MYOM2: variants seen among roughly 807,000 people sequenced by gnomAD.
MYOM2 encodes the protein myomesin 2.
MYOM2 carries 254 observed loss-of-function variants against 187.6 expected under a neutral mutation model. The ratio of observed to expected loss-of-function variants is 1.35; its 90% CI spans 1.22 to 1.50. MYOM2 has a LOEUF of 1.50. MYOM2 is among the 40% of genes most tolerant of loss of function. The pLI is 0.00. For missense variants in MYOM2, 2,796 were observed against 1,924.0 expected, an observed-to-expected ratio of 1.45 and a Z score of -8.48; for synonymous variants, 981 against 753.8, an observed-to-expected ratio of 1.30 and a Z score of -4.94.
intron 12 of MYOM2, among the ~76,000 whole-genome samples, chr8:2,079,287 C>T (rs1163572480): frequency 6.6e-6 from 1 of 152,024 alleles, no homozygotes; most frequent in African/African-American, 2.4e-5. Flanking sequence ...TTTTGCATGA[C>T]ACAGATTCCT....
chr8:2,070,986 G>T (rs943875855), intron 8 of MYOM2, among the ~76,000 whole-genome samples: 2 of 151,528 alleles, frequency 1.3e-5, no homozygotes, highest in South Asian at 2.1e-4. Context: ...ATTTATTTTT[G>T]AGACAGGGTC....
At position 2,142,350 on chromosome 8, in the gene MYOM2, C is replaced by A. The variant is rs894401601; in HGVS notation, c.4002-25C>A. ...TTCTCATACTCTCTTTTCATTCTCT[C>A]CTTTCTGTCCCCTTTAACTTTTAGA... is the stretch of plus-strand genomic sequence containing the variant. On this transcript the variant is annotated intron_variant, in intron 34 of 36. Coordinates refer to ENST00000262113, the MANE Select transcript of MYOM2 (RefSeq NM_003970.4). 2.5e-6 allele frequency: 4 copies of A among 1,611,378 alleles called. No individual in the cohort carries two copies. In the African/African-American group the frequency reaches 5.3e-5, roughly 22 times the overall value.
At chr8:2,056,678 A>G (rs1342811349) in intron 3 of MYOM2, among the ~76,000 whole-genome samples, 2 of 152,214 alleles carry the variant, frequency 1.3e-5, no homozygotes, top group African/African-American at 2.4e-5. Context: ...TCAGGAAAAT[A>G]AATGGCTTTT....
chr8:2,066,705 T>C (rs927851272), intron 6 of MYOM2, among the ~76,000 whole-genome samples: 4 of 152,156 alleles, frequency 2.6e-5, no homozygotes, highest in Admixed American at 2.6e-4. Flanking sequence ...TGGGGATGCG[T>C]ATGTGAGTAT....
At chr8:2,104,154 G>T (rs1332390328) in intron 21 of MYOM2, among the ~76,000 whole-genome samples, 2 of 151,156 alleles carry the variant, frequency 1.3e-5, no homozygotes, top group Non-Finnish European at 2.9e-5. Flanking sequence ...ATTTTAAAAA[G>T]CTGTTGGTAA....
intron 8 of MYOM2, among the ~76,000 whole-genome samples, chr8:2,071,723 G>C (rs762941076): frequency 1.3e-5 from 2 of 152,126 alleles, no homozygotes; most frequent in Non-Finnish European, 2.9e-5. Context: ...CCATGGCCGG[G>C]GCAGTTTACG....
At chr8:2,119,882 C>CG (rs1012451111) in intron 28 of MYOM2, among the ~76,000 whole-genome samples, 5 of 151,170 alleles carry the variant, frequency 3.3e-5, no homozygotes, top group African/African-American at 4.9e-5. Context: ...AATGAGGGGG[C>CG]GGGGGGGATG....
chr8:2,076,496 T>C, intron 11 of MYOM2: 1 of 611,220 alleles, frequency 1.6e-6, no homozygotes. Context: ...GGGTTTCTTT[T>C]TGTTGAAAGT....
chr8:2,143,863 G>A (rs1421521528), intron 36 of MYOM2, among the ~76,000 whole-genome samples: 3 of 152,074 alleles, frequency 2.0e-5, no homozygotes, highest in Non-Finnish European at 4.4e-5. Context: ...GTGTGAAACA[G>A]CACAGCTTTT....
intron 6 of MYOM2, among the ~76,000 whole-genome samples, chr8:2,066,700 A>T (rs963540090): frequency 6.6e-6 from 1 of 152,114 alleles, no homozygotes; most frequent in East Asian, 1.9e-4. Flanking sequence ...CCCTGTGGGG[A>T]TGCGTATGTG....
At chr8:2,121,166 G>C (rs1386819319) in intron 28 of MYOM2, among the ~76,000 whole-genome samples, 1 of 152,164 alleles carries the variant, frequency 6.6e-6, no homozygotes, top group Non-Finnish European at 1.5e-5. Flanking sequence ...GCACAGAAAG[G>C]TATGTTTCTT....
At chr8:2,087,841 A>T (rs913236616) in intron 14 of MYOM2, among the ~76,000 whole-genome samples, 4 of 152,050 alleles carry the variant, frequency 2.6e-5, no homozygotes, top group Admixed American at 6.6e-5. Context: ...GGCTGGTCTC[A>T]AATTCCTGGC....
In MYOM2 at chr8:2,124,207, T is replaced by C. The variant is rs779326130; in HGVS notation, c.3684T>C (p.Ser1228=). 1.2e-6 allele frequency: 2 copies of C among 1,612,746 alleles called. No individual in the cohort carries two copies. The highest frequency in any genetic ancestry group is 3.3e-5 in the Admixed American group (2 of 59,946). The change falls in exon 31 of 37, where the codon AGT becomes AGC. Residue 1228 remains serine (S), a synonymous_variant. Transcript: ENST00000262113. ...ATGATGATATGATTTTGGCAATGAGTAGAGTCTGTGGTAAGTAAATGCCTT... is the reference window on the plus strand; with the variant it reads ...ATGATGATATGATTTTGGCAATGAGCAGAGTCTGTGGTAAGTAAATGCCTT... The part of the protein sequence containing the change: ...KVYDDMILAM[S]RVCGKSASPL...
intron 21 of MYOM2, among the ~76,000 whole-genome samples, chr8:2,105,058 A>T (rs1340401549): frequency 6.6e-6 from 1 of 152,198 alleles, no homozygotes; most frequent in Admixed American, 6.5e-5. Flanking sequence ...GATTACAGGC[A>T]TGAGTGCTGC....
chr8:2,141,534 C>T (rs183142623), intron 34 of MYOM2, among the ~76,000 whole-genome samples: 14 of 152,242 alleles, frequency 9.2e-5, no homozygotes, highest in South Asian at 8.3e-4. Flanking sequence ...CGGTCAGGAG[C>T]GCTTTCTTTT....
chr8:2,060,220 T>C (rs1165674728), intron 6 of MYOM2, among the ~76,000 whole-genome samples: 1 of 152,214 alleles, frequency 6.6e-6, no homozygotes, highest in Non-Finnish European at 1.5e-5. Context: ...TGAACCTGAC[T>C]GCCTGTTTTT....
At chr8:2,066,453 G>A (rs1819022886) in intron 6 of MYOM2, among the ~76,000 whole-genome samples, 1 of 152,208 alleles carries the variant, frequency 6.6e-6, no homozygotes, top group Non-Finnish European at 1.5e-5. Flanking sequence ...GCTAGTGGGG[G>A]TGGGATCGTT....
At chr8:2,057,190 T>C (rs1278078436) in intron 3 of MYOM2, among the ~76,000 whole-genome samples, 158 bp from the exon 4 acceptor site, 2 of 152,226 alleles carry the variant, frequency 1.3e-5, no homozygotes, top group East Asian at 1.9e-4. Context: ...CTCTTGAAGA[T>C]AGATTCAAAT....
chr8:2,088,959 G>A (rs553112041), intron 14 of MYOM2, among the ~76,000 whole-genome samples: 2 of 152,144 alleles, frequency 1.3e-5, no homozygotes, highest in Non-Finnish European at 2.9e-5. Context: ...GACTGCGCTC[G>A]CTTGGGGTCG....
Sources: gnomAD v4.1 joint callset for allele counts (sites outside exome capture counted in the v4.1 genomes callset) on GRCh38, gnomAD v4.1.1 for gene constraint, MANE v1.5 for transcripts, NCBI Gene and HGNC (gene_info 2026-07-23, HGNC 2026-07-21) for gene names.